The following ZNF454 variants were observed in gnomAD, a reference collection of about 807,000 sequenced individuals.
ZNF454 encodes zinc finger protein 454.
ZNF454 carries 30 observed loss-of-function variants against 48.2 expected under a neutral mutation model. The observed-to-expected ratio is 0.62, with a 90% CI of 0.47 to 0.84. ZNF454 has a LOEUF of 0.84. Ranked by LOEUF, ZNF454 falls within the 40% of genes least tolerant of loss-of-function variation. The pLI is 0.00. For missense variants in ZNF454, 510 were observed against 623.1 expected, an observed-to-expected ratio of 0.82 and a Z score of 1.93; for synonymous variants, 204 against 211.4, an observed-to-expected ratio of 0.97 and a Z score of 0.30.
the ZNF454 span, chr5:178,983,614 T>C: frequency 0.057 from 22,101 of 384,842 alleles, 868 homozygotes; most frequent in East Asian, 0.14. Context: ...GAGGCCCTAC[T>C]CGCATCGCCT....
intron 4 of ZNF454, among the ~76,000 whole-genome samples, chr5:178,963,719 G>A (rs1374552834): frequency 6.6e-6 from 1 of 151,786 alleles, no homozygotes; most frequent in Non-Finnish European, 1.5e-5. Context: ...TCCCATGGGT[G>A]TCACATTATT....
chr5:178,954,041 T>G (rs569944824), intron 4 of ZNF454, among the ~76,000 whole-genome samples: 3 of 152,252 alleles, frequency 2.0e-5, no homozygotes, highest in Admixed American at 1.3e-4. Context: ...GGTGGATCAC[T>G]TGAAGTCAGA....
the ZNF454 span, chr5:178,983,594 C>T: frequency 2.4e-6 from 1 of 410,116 alleles, no homozygotes; most frequent in South Asian, 1.9e-5. Flanking sequence ...TGGCCGGAAG[C>T]TCTGGAACTG....
At chr5:178,959,857 G>A (rs1040007172) in intron 4 of ZNF454, among the ~76,000 whole-genome samples, 2 of 151,604 alleles carry the variant, frequency 1.3e-5, no homozygotes, top group South Asian at 2.1e-4. Flanking sequence ...CACCCGCCTC[G>A]GCCTCCCAAA....
At chr5:178,979,263 G>T in the ZNF454 span, 2 of 152,158 alleles carry the variant, frequency 1.3e-5, no homozygotes, top group Non-Finnish European at 2.9e-5. Context: ...ATAACATAAA[G>T]AAATGATCAC....
chr5:178,947,853 A>G (rs1324436252), intron 4 of ZNF454, among the ~76,000 whole-genome samples: 1 of 152,204 alleles, frequency 6.6e-6, no homozygotes, highest in Non-Finnish European at 1.5e-5. Context: ...ATATCCTACA[A>G]TAAATAACTG....
chr5:178,990,024 T>C, the ZNF454 span: 6 of 199,326 alleles, frequency 3.0e-5, no homozygotes, highest in Non-Finnish European at 5.2e-5. Context: ...AAAGGCGTGA[T>C]GGTATATATC....
At chr5:178,949,102 T>C (rs1191818177) in intron 4 of ZNF454, among the ~76,000 whole-genome samples, 3 of 152,104 alleles carry the variant, frequency 2.0e-5, no homozygotes, top group Admixed American at 6.6e-5. Context: ...CAGGCTGGAG[T>C]GCAGTGGTGC....
At chr5:178,949,259 C>G (rs556680209) in intron 4 of ZNF454, among the ~76,000 whole-genome samples, 26 of 151,868 alleles carry the variant, frequency 1.7e-4, no homozygotes, top group Admixed American at 1.2e-3. Context: ...GTCATGTTGG[C>G]CAGGCTGTTC....
chr5:178,973,994 T>C, the ZNF454 span, among the ~76,000 whole-genome samples: 1 of 152,118 alleles, frequency 6.6e-6, no homozygotes, highest in East Asian at 1.9e-4. Context: ...ACTTATGAAG[T>C]AGACAGTGGG....
the ZNF454 span, among the ~76,000 whole-genome samples, chr5:178,975,136 C>T: frequency 2.0e-5 from 3 of 152,116 alleles, no homozygotes; most frequent in African/African-American, 7.2e-5. Flanking sequence ...GGCAAAACTC[C>T]GTCTCTACTA....
intron 4 of ZNF454, among the ~76,000 whole-genome samples, chr5:178,964,268 C>T (rs549718097): frequency 2.9e-4 from 44 of 151,776 alleles, no homozygotes; most frequent in African/African-American, 9.9e-4. Context: ...CTACAGGCTC[C>T]CACCACCACG....
chr5:178,982,774 A>G, the ZNF454 span: 7 of 683,348 alleles, frequency 1.0e-5, no homozygotes, highest in South Asian at 1.1e-4. Flanking sequence ...GAACAAAGTA[A>G]GAAGGGAATG....
In ZNF454 at chr5:178,965,866, A is replaced by C. The variant is rs768206854; in HGVS notation, c.1462A>C (p.Arg488=). 6.1e-5 allele frequency: 98 copies of C among 1,614,062 alleles called. No individual in the cohort carries two copies. The highest frequency in any genetic ancestry group is 7.7e-5 in the Non-Finnish European group (91 of 1,180,048). ...AAGCACTCACCTGACTCAACATCAGAGGATTCACACAGGAGAGAAACCCTA... is the reference window on the plus strand; with the variant it reads ...AAGCACTCACCTGACTCAACATCAGCGGATTCACACAGGAGAGAAACCCTA... ...IRSTHLTQHQ[R]IHTGEKPYKC... Residue 488 remains arginine, a synonymous_variant, in exon 5 of 5, where the codon AGG becomes CGG. Coordinates refer to ENST00000519564, the MANE Select transcript of ZNF454 (RefSeq NM_001178089.3). This position sits in a 1 kb window ranked among gnomAD's most constrained non-coding sequence, Gnocchi z 5.2.
the ZNF454 span, chr5:178,983,236 A>G: frequency 1.9e-6 from 3 of 1,600,632 alleles, no homozygotes; most frequent in Non-Finnish European, 2.6e-6. Flanking sequence ...AGGAGCCAAC[A>G]CTGCATCAGA....
chr5:178,972,575 G>T, the ZNF454 span, among the ~76,000 whole-genome samples: 1 of 152,110 alleles, frequency 6.6e-6, no homozygotes, highest in African/African-American at 2.4e-5. Flanking sequence ...AGAAGTGAGG[G>T]GTCCACAAGA....
chr5:178,957,133 C>T (rs1208690200), intron 4 of ZNF454, among the ~76,000 whole-genome samples: 1 of 152,216 alleles, frequency 6.6e-6, no homozygotes, highest in African/African-American at 2.4e-5. Flanking sequence ...CCGCCCACCT[C>T]GGCCTCCCAA....
chr5:178,986,887 C>T, the ZNF454 span: 1 of 1,614,200 alleles, frequency 6.2e-7, no homozygotes, highest in South Asian at 1.1e-5. Context: ...GTACCCGCCA[C>T]TGCTGGCACT....
chr5:178,989,521 G>A, the ZNF454 span: 2 of 1,331,264 alleles, frequency 1.5e-6, no homozygotes, highest in African/African-American at 1.5e-5. Context: ...GCTAGGAGTG[G>A]CCAGGTGAAC....
Sources: allele counts gnomAD v4.1 joint callset (sites outside exome capture counted in the v4.1 genomes callset), GRCh38; gene constraint gnomAD v4.1.1; non-coding constraint Gnocchi (gnomAD v3.1); transcripts MANE v1.5; gene names NCBI Gene and HGNC (gene_info 2026-07-23, HGNC 2026-07-21).